Variants in NBEAL2 observed in about 807,000 individuals in gnomAD.
NBEAL2 encodes neurobeachin-like protein 2.
Under a neutral mutation model 299.8 loss-of-function variants are expected in NBEAL2, and 160 were observed. The ratio of observed to expected loss-of-function variants is 0.53; its 90% CI spans 0.47 to 0.61. The LOEUF is 0.61. Among genes scored for constraint, NBEAL2 ranks in the 20% least tolerant of loss-of-function variants. The pLI, the probability that NBEAL2 is intolerant of heterozygous loss-of-function variation, is 0.00. For missense variants in NBEAL2, 3,112 were observed against 3,649.0 expected (o/e 0.85, Z 3.79); for synonymous variants, 1,493 against 1,542.3 (o/e 0.97, Z 0.75).
intron 20 of NBEAL2, 142 bp downstream of exon 20, chr3:46,997,836 G>A (rs1052431779): frequency 3.8e-6 from 5 of 1,303,452 alleles, no homozygotes; most frequent in Non-Finnish European, 5.1e-6. Flanking sequence ...GCCGAGCAGG[G>A]TTGGGTCTGG....
intron 1 of NBEAL2, among the ~76,000 whole-genome samples, chr3:46,983,803 C>A (rs2035510762): frequency 6.6e-6 from 1 of 152,054 alleles, no homozygotes; most frequent in Non-Finnish European, 1.5e-5. Flanking sequence ...GTTGTTATGA[C>A]AACTGGGGAG....
chr3:46,998,718 C>T lies in NBEAL2; in HGVS notation c.3223C>T (p.Pro1075Ser). ...TGGGTGTGCCTACTGACCTGCCAGC[C>T]CGCAGCGGGAGCGCCCCCTGGCTGC... ...ILDALRTHYSPQRERPLAADD... is the reference protein window; with the variant it reads ...ILDALRTHYSSQRERPLAADD... Residue 1075 changes from proline (P) to serine (S), a missense_variant and splice_region_variant, in exon 23 of 54, where the codon CCG becomes TCG. By Grantham distance (74) the Pro-to-Ser change is moderately conservative. This residue lies in a region of NBEAL2 where 2,243 missense variants were observed against 2,538.1 expected (regional missense o/e 0.88). Transcript: ENST00000450053. 6.4e-7 allele frequency: 1 copy of T among 1,574,056 alleles called. No individual in the cohort carries two copies. Among genetic ancestry groups the T allele is most frequent in the South Asian group, 1.2e-5 (1 of 86,556 alleles).
intron 15 of NBEAL2, 77 bp from the exon 16 acceptor site, chr3:46,996,194 C>T (rs1231551453): frequency 6.3e-7 from 1 of 1,578,968 alleles, no homozygotes; most frequent in African/African-American, 1.3e-5. Context: ...CCATGGGGGT[C>T]ACTGTGAGGA....
rs549138493 is a variant in NBEAL2, at chr3:47,009,622, A to C, written c.*302A>C. The C allele has an allele frequency of 4.6e-6, 2 of 430,812 alleles. No individual in the cohort carries two copies. Among genetic ancestry groups the C allele is most frequent in the South Asian group, 7.0e-5 (2 of 28,438 alleles). 26.7% of individuals were successfully genotyped at this position (430,812 alleles called of 1,614,324 possible). ...TTCCAAGTCGCTGTTTCGTCAAAGC[A>C]CGAGGGCCGCCTGTGGCCTTAATTC... On this transcript the variant is annotated 3_prime_UTR_variant, in exon 54 of 54. Coordinates refer to ENST00000450053, the MANE Select transcript of NBEAL2 (RefSeq NM_015175.3).
Position 47,001,407 on chromosome 3 carries a change from G to T in NBEAL2, c.4613G>T (p.Gly1538Val). 6.2e-7 allele frequency: 1 copy of T among 1,613,066 alleles called. No homozygotes were observed. The highest frequency in any genetic ancestry group is 8.5e-7 in the Non-Finnish European group (1 of 1,179,822). ...CTGCAGGACTTCCTGTGTGCTGAAG[G>T]CCATGGTAACCAGGAACTGTGGAGT... ...RLLQDFLCAEGHGNQELWSEK... is the reference protein window; with the variant it reads ...RLLQDFLCAEVHGNQELWSEK... Residue 1538 changes from glycine (G) to valine (V), a missense_variant, in exon 29 of 54, where the codon GGC becomes GTC. Coordinates refer to ENST00000450053, the MANE Select transcript of NBEAL2 (RefSeq NM_015175.3). The surrounding 1 kb of genome is among the most constrained non-coding windows in gnomAD (Gnocchi z 6.1).
intron 11 of NBEAL2, among the ~76,000 whole-genome samples, chr3:46,994,225 G>A (rs2036307907): frequency 6.6e-6 from 1 of 152,160 alleles, no homozygotes; most frequent in South Asian, 2.1e-4. Context: ...CTCTGTCAGG[G>A]CTGGATGGGG....
intron 22 of NBEAL2, 50 bp from the exon 23 acceptor site, chr3:46,998,667 C>T: frequency 1.3e-6 from 2 of 1,553,550 alleles, no homozygotes; most frequent in Non-Finnish European, 1.7e-6. Flanking sequence ...CCCACCCTCT[C>T]TCCCCGCCTT....
At chr3:47,007,453 G>A in intron 47 of NBEAL2, 72 bp from the exon 48 acceptor site, 1 of 1,561,702 alleles carries the variant, frequency 6.4e-7, no homozygotes, top group East Asian at 2.4e-5. Flanking sequence ...GAAAGGTCTG[G>A]CCAGGCTCCC....
intron 16 of NBEAL2, 59 bp downstream of exon 16, chr3:46,996,651 G>A (rs781005652): frequency 1.3e-6 from 2 of 1,523,968 alleles, no homozygotes; most frequent in East Asian, 2.3e-5. Context: ...GGTCCGGGGG[G>A]AGAAGGCATC....
At chr3:46,987,918 C>T (rs2035785376) in intron 1 of NBEAL2, 14 of 1,099,116 alleles carry the variant, frequency 1.3e-5, no homozygotes, top group South Asian at 7.2e-5. Flanking sequence ...CGGGAGGAAG[C>T]GGTCCCCCTC....
At position 47,009,416 on chromosome 3, in the gene NBEAL2, C is replaced by T. The variant is rs1388181296; in HGVS notation, c.*96C>T. 10 of 1,156,602 alleles carry T rather than the reference C, an allele frequency of 8.6e-6. No homozygotes were observed. The highest frequency in any genetic ancestry group is 1.2e-5 in the Non-Finnish European group (10 of 820,894). 71.6% of individuals were successfully genotyped at this position (1,156,602 alleles called of 1,614,324 possible). A position where few individuals can be genotyped will look rare whatever the true frequency, so the allele number is the denominator to read the frequency against. On this transcript the variant is annotated 3_prime_UTR_variant, in exon 54 of 54. Transcript: ENST00000450053. ...GCGGGAACACCCCGGGGTGGGCAGC[C>T]CAGGGGGGTGAGCGGGGCCCACCCT...
rs1203047804 is a variant in NBEAL2 at position 46,984,280 on chromosome 3, TGGGCCGGCGACAGAGCG to T, written c.51+4369_52-4372del. Among the ~76,000 whole-genome samples the T allele has an allele frequency of 9.2e-5, 14 of 151,902 alleles. 1 individual carries two copies. In the East Asian group the frequency reaches 2.7e-3, roughly 29 times the overall value. ...GAGATCGCGCCACTGCACTCCAGCC[TGGGCCGGCGACAGAGCG>T]AGACTCCGTCTCAAAAAAAAACAAA... On this transcript the variant is annotated intron_variant, in intron 1 of 53. Coordinates refer to ENST00000450053, the MANE Select transcript of NBEAL2 (RefSeq NM_015175.3).
rs374709605 is a variant in NBEAL2, at chr3:47,004,274, C to T, written c.6079C>T (p.Pro2027Ser). ...TPRPQPGPIP[P>S]HTQVRNQVYS... is the part of the protein sequence containing the mutation. Reference sequence around the variant, plus strand: ...CAGACCCCAGCCTGGCCCCATCCCACCCCATACCCAGGTACGGAACCAGGT... The same window carrying T: ...CAGACCCCAGCCTGGCCCCATCCCATCCCATACCCAGGTACGGAACCAGGT... Residue 2027 changes from proline (P) to serine (S), a missense_variant, in exon 37 of 54, where the codon CCC becomes TCC. By Grantham distance (74) the Pro-to-Ser change is moderately conservative. Transcript: ENST00000450053. The surrounding 1 kb of genome is among the most constrained non-coding windows in gnomAD (Gnocchi z 5.0). 5.0e-6 allele frequency: 8 copies of T among 1,613,446 alleles called. No individual in the cohort carries two copies. The African/African-American group carries it at 1.1e-4, about 22-fold the overall frequency.
In NBEAL2 at chr3:46,999,489, A is replaced by C; in HGVS notation, c.3703+15A>C. The C allele has an allele frequency of 6.3e-7, 1 of 1,580,608 alleles. No individual in the cohort carries two copies. Among genetic ancestry groups the C allele is most frequent in the East Asian group, 2.3e-5 (1 of 42,870 alleles). ...CCTGGGGGCAGGTACAACCTGGTTA[A>C]GGCCAAGTGGAGGGGGTGACATGTC... On this transcript the variant is annotated intron_variant, in intron 25 of 53. Transcript: ENST00000450053.
Position 47,001,742 on chromosome 3 carries a change from G to C in NBEAL2, c.4698G>C (p.Leu1566=). The change falls in exon 30 of 54, where the codon CTG becomes CTC. Residue 1566 remains leucine, a synonymous_variant. Transcript: ENST00000450053. This position sits in a 1 kb window ranked among gnomAD's most constrained non-coding sequence, Gnocchi z 6.1. ...LLDRLGAWPH[L]ANGTADLREM... is the part of the protein sequence containing the mutation. ...ATCGCCTGGGAGCCTGGCCCCACCT[G>C]GCCAACGGCACAGCTGATCTCCGTG... is the stretch of plus-strand genomic sequence containing the variant. 1 of 1,613,932 alleles carries C rather than the reference G, an allele frequency of 6.2e-7. No homozygotes were observed.
Position 47,009,533 on chromosome 3 carries a change from G to A in NBEAL2, c.*213G>A, listed in dbSNP as rs941419973. 1.9e-5 allele frequency: 11 copies of A among 582,106 alleles called. No individual in the cohort carries two copies. Among genetic ancestry groups the A allele is most frequent in the Non-Finnish European group, 3.0e-5 (10 of 330,430 alleles). 36.1% of individuals were successfully genotyped at this position (582,106 alleles called of 1,614,324 possible). A position where few individuals can be genotyped will look rare whatever the true frequency, so the allele number is the denominator to read the frequency against. On this transcript the variant is annotated 3_prime_UTR_variant, in exon 54 of 54. Coordinates refer to ENST00000450053, the MANE Select transcript of NBEAL2 (RefSeq NM_015175.3). ...CGCCGGCTGAGGGGCCGCCCTGAGG[G>A]CCAGCACTGGCGTCTGCGGCCGCAG... is the stretch of plus-strand genomic sequence containing the variant.
chr3:47,005,237 A>G lies in NBEAL2; in HGVS notation c.6476A>G (p.His2159Arg). Residue 2159 changes from histidine (H) to arginine (R), a missense_variant, in exon 40 of 54, where the codon CAC becomes CGC. Around this residue, in one of 3 missense-constraint regions of NBEAL2, gnomAD observed 521 missense variants for 729.6 expected, o/e 0.71. Transcript: ENST00000450053. Reference sequence around the variant, plus strand: ...ATTGACAAGTTCCACTATGGCACCCACTACTCCAATGCAGCAGGCGTGATG... The same window carrying G: ...ATTGACAAGTTCCACTATGGCACCCGCTACTCCAATGCAGCAGGCGTGATG... ...GTIDKFHYGT[H>R]YSNAAGVMHY... 6.2e-7 allele frequency: 1 copy of G among 1,613,576 alleles called. No homozygotes were observed. The highest frequency in any genetic ancestry group is 8.5e-7 in the Non-Finnish European group (1 of 1,179,862).
In NBEAL2 at chr3:46,989,020, A is replaced by G. The variant is rs1423607706; in HGVS notation, c.269+50A>G. On this transcript the variant is annotated intron_variant, in intron 3 of 53. Coordinates refer to ENST00000450053, the MANE Select transcript of NBEAL2 (RefSeq NM_015175.3). The surrounding 1 kb of genome is among the most constrained non-coding windows in gnomAD (Gnocchi z 5.5). ...GCAGGGGCCTAGAACTGTGGGCCAG[A>G]GGGAGAGGGGACAAGGAGGGGCATG... is the stretch of plus-strand genomic sequence containing the variant. The G allele has an allele frequency of 6.2e-7, 1 of 1,611,954 alleles. No homozygotes were observed. Among genetic ancestry groups the G allele is most frequent in the East Asian group, 2.2e-5 (1 of 44,826 alleles).
intron 18 of NBEAL2, 38 bp downstream of exon 18, chr3:46,997,084 T>C (rs748031572): frequency 5.7e-5 from 90 of 1,588,484 alleles, no homozygotes; most frequent in Non-Finnish European, 7.1e-5. Flanking sequence ...GCAGGAGGCA[T>C]GAATATGGGG....
Sources: gnomAD v4.1 joint callset for allele counts (sites outside exome capture counted in the v4.1 genomes callset) on GRCh38, gnomAD v4.1.1 for gene constraint, gnomAD v4.1.1 regional missense constraint, Gnocchi (gnomAD v3.1) non-coding constraint, MANE v1.5 for transcripts, NCBI Gene and HGNC (gene_info 2026-07-23, HGNC 2026-07-21) for gene names.